Variants in SETD3 observed in about 807,000 individuals in gnomAD.
SETD3 encodes SET domain containing 3, actin N3(tau)-histidine methyltransferase.
Under a neutral mutation model 63.0 loss-of-function variants are expected in SETD3, and 19 were observed. The ratio of observed to expected loss-of-function variants is 0.30; its 90% CI spans 0.21 to 0.44. The LOEUF (loss-of-function observed/expected upper bound fraction) is 0.44, where lower values mean the gene tolerates loss of function less well. SETD3 is among the 20% of genes least tolerant of loss of function. The pLI is 1.00. For synonymous variants in SETD3, 286 were observed against 264.1 expected, an observed-to-expected ratio of 1.08 and a Z score of -0.80; for missense variants, 587 against 728.5, an observed-to-expected ratio of 0.81 and a Z score of 2.24.
chr14:99,485,745 A>G (rs1370712858), upstream of SETD3, among the ~76,000 whole-genome samples: 1 of 152,222 alleles, frequency 6.6e-6, no homozygotes, highest in Non-Finnish European at 1.5e-5. Context: ...CTGTAATCCC[A>G]GCTACTCAGG....
intron 5 of SETD3, 43 bp downstream of exon 5, chr14:99,459,070 T>G (rs779755788): frequency 1.4e-6 from 2 of 1,430,326 alleles, no homozygotes; most frequent in Admixed American, 4.0e-5. Flanking sequence ...TACATATTTT[T>G]GTCATTTGTG....
chr14:99,439,598 A>G (rs1893674698), intron 6 of SETD3, among the ~76,000 whole-genome samples: 1 of 148,036 alleles, frequency 6.8e-6, no homozygotes, highest in Non-Finnish European at 1.5e-5. Context: ...TATAGAAAAC[A>G]TATCTATGTA....
intron 6 of SETD3, among the ~76,000 whole-genome samples, chr14:99,420,093 T>C (rs1008684624): frequency 1.3e-5 from 2 of 152,206 alleles, no homozygotes; most frequent in African/African-American, 2.4e-5. Flanking sequence ...GGCAAGGTCA[T>C]GCAAATCCCT....
chr14:99,477,275 C>T (rs951694382), intron 1 of SETD3, among the ~76,000 whole-genome samples: 1 of 152,090 alleles, frequency 6.6e-6, no homozygotes, highest in South Asian at 2.1e-4. Context: ...TTATCTCAGT[C>T]GAAACTGTTC....
chr14:99,407,799 C>T (rs1296978181), intron 8 of SETD3, among the ~76,000 whole-genome samples: 1 of 152,154 alleles, frequency 6.6e-6, no homozygotes, highest in Non-Finnish European at 1.5e-5. Flanking sequence ...GTGCACCTGC[C>T]TCCCCGTCGG....
At chr14:99,465,374 T>G (rs1183809511) in intron 2 of SETD3, among the ~76,000 whole-genome samples, 1 of 152,202 alleles carries the variant, frequency 6.6e-6, no homozygotes, top group Non-Finnish European at 1.5e-5. Context: ...GGTTCAGTAA[T>G]CTGCCGAGCG....
At chr14:99,486,457 CT>C in the SETD3 span, among the ~76,000 whole-genome samples, 1 of 152,232 alleles carries the variant, frequency 6.6e-6, no homozygotes, top group African/African-American at 2.4e-5. Context: ...GTCAACATGA[CT>C]TTATAGTTAT....
At chr14:99,399,197 G>A (rs1266776608) in intron 12 of SETD3, 72 bp from the exon 13 acceptor site, 14 of 1,388,312 alleles carry the variant, frequency 1.0e-5, no homozygotes, top group South Asian at 7.7e-5. Context: ...GGGCACAACG[G>A]CTGGGGATGG....
intron 8 of SETD3, chr14:99,409,967 T>C: frequency 2.5e-6 from 1 of 407,932 alleles, no homozygotes; most frequent in Non-Finnish European, 4.4e-6. Flanking sequence ...GGATCTTCCA[T>C]TCTAATGGGA....
intron 1 of SETD3, among the ~76,000 whole-genome samples, chr14:99,480,124 G>A (rs1284826589): frequency 1.3e-5 from 2 of 152,248 alleles, no homozygotes; most frequent in Non-Finnish European, 2.9e-5. Flanking sequence ...TCCTACGTCC[G>A]TCTTCCTAAC....
In SETD3 at chr14:99,420,049, A is replaced by T. The variant is rs571482441; in HGVS notation, c.676-6115T>A. On this transcript the variant is annotated intron_variant, in intron 6 of 12. Transcript: ENST00000331768. ...GGGGGTACTGCCTAGCAGTGAAGAC[A>T]GATAAGTGACCAAAAAACCACAAAA... is the stretch of plus-strand genomic sequence containing the variant. 3.9e-5 allele frequency among the ~76,000 whole-genome samples: 6 copies of T among 152,342 alleles called. No individual in the cohort carries two copies. The South Asian group carries it at 1.2e-3, about 32-fold the overall frequency.
chr14:99,416,281 T>C (rs574258365), intron 6 of SETD3, among the ~76,000 whole-genome samples: 1 of 152,058 alleles, frequency 6.6e-6, no homozygotes. Context: ...TTAAAACACA[T>C]CTTCCAAAAA....
chr14:99,455,522 A>C (rs1894708701), intron 6 of SETD3, among the ~76,000 whole-genome samples: 2 of 152,222 alleles, frequency 1.3e-5, no homozygotes, highest in Non-Finnish European at 2.9e-5. Context: ...AAAGTGCTCT[A>C]AAATACCTTC....
chr14:99,447,810 G>C (rs1701030326), intron 6 of SETD3, among the ~76,000 whole-genome samples: 1 of 152,164 alleles, frequency 6.6e-6, no homozygotes, highest in Non-Finnish European at 1.5e-5. Context: ...AAGCAAATAG[G>C]CTTATTACTT....
intron 6 of SETD3, among the ~76,000 whole-genome samples, chr14:99,449,737 A>G (rs1894351087): frequency 6.6e-6 from 1 of 152,256 alleles, no homozygotes; most frequent in African/African-American, 2.4e-5. Flanking sequence ...ATCAGTTAAT[A>G]GTATCGTACC....
intron 1 of SETD3, among the ~76,000 whole-genome samples, chr14:99,476,154 C>A (rs980586050): frequency 3.3e-5 from 5 of 152,302 alleles, no homozygotes; most frequent in Non-Finnish European, 7.3e-5. Flanking sequence ...AGAAAGCTGA[C>A]GCTTACGGAG....
At chr14:99,432,478 T>C (rs957008220) in intron 6 of SETD3, among the ~76,000 whole-genome samples, 3 of 152,238 alleles carry the variant, frequency 2.0e-5, no homozygotes, top group South Asian at 2.1e-4. Flanking sequence ...ACTTTAAGTA[T>C]TGCTTTTAAG....
Position 99,409,983 on chromosome 14 carries a change from G to A in SETD3, c.849+2968C>T, listed in dbSNP as rs185670086. On this transcript the variant is annotated intron_variant, in intron 8 of 12. Transcript: ENST00000331768. ...GATCTTCCATTCTAATGGGAGGCGG[G>A]GGGGTGAACCAACAATAATTTTTTA... is the stretch of plus-strand genomic sequence containing the variant. 2.1e-5 allele frequency: 9 copies of A among 434,416 alleles called. No homozygotes were observed. In the South Asian group the frequency reaches 2.7e-4, roughly 13 times the overall value. The allele number at this position is 434,416 out of a possible 1,614,324, so 26.9% of individuals were successfully genotyped here.
At chr14:99,405,555 TG>T (rs1891635994) in intron 9 of SETD3, among the ~76,000 whole-genome samples, 184 bp from the exon 10 acceptor site, 1 of 152,184 alleles carries the variant, frequency 6.6e-6, no homozygotes, top group Non-Finnish European at 1.5e-5. Context: ...CTTTCCAAAC[TG>T]TCTGAGACCA....
Sources: allele counts gnomAD v4.1 joint callset (sites outside exome capture counted in the v4.1 genomes callset), GRCh38; gene constraint gnomAD v4.1.1; transcripts MANE v1.5; gene names NCBI Gene and HGNC (gene_info 2026-07-23, HGNC 2026-07-21).